The following CCSER1 variants were observed in gnomAD, a reference collection of about 807,000 sequenced individuals.
CCSER1 encodes serine-rich coiled-coil domain-containing protein 1.
In CCSER1, 41 loss-of-function variants were observed where a neutral mutation model predicts 82.0. The ratio of observed to expected loss-of-function variants is 0.50; its 90% confidence interval spans 0.39 to 0.65. The LOEUF (loss-of-function observed/expected upper bound fraction) is 0.65. Among genes scored for constraint, CCSER1 ranks in the 30% least tolerant of loss-of-function variants. The pLI, the probability that CCSER1 is intolerant of heterozygous loss-of-function variation, is 0.00. For synonymous variants in CCSER1, 414 were observed against 383.9 expected, an observed-to-expected ratio of 1.08 and a Z score of -0.92; for missense variants, 1,119 against 1,064.2, an observed-to-expected ratio of 1.05 and a Z score of -0.72.
chr4:90,745,374 A>T (rs1747238213), intron 7 of CCSER1, among the ~76,000 whole-genome samples: 1 of 152,208 alleles, frequency 6.6e-6, no homozygotes, highest in Non-Finnish European at 1.5e-5. Context: ...GTCCAGGAAA[A>T]TTCTATTACA....
At chr4:90,927,260 T>C (rs1348911919) in intron 9 of CCSER1, among the ~76,000 whole-genome samples, 1 of 152,042 alleles carries the variant, frequency 6.6e-6, no homozygotes, top group East Asian at 1.9e-4. Flanking sequence ...AAAATTTCTC[T>C]GAGCCACAAA....
intron 1 of CCSER1, among the ~76,000 whole-genome samples, chr4:90,156,508 A>C (rs1477535141): frequency 2.0e-5 from 3 of 152,138 alleles, no homozygotes; most frequent in Admixed American, 2.0e-4. Flanking sequence ...TTGGGAGTCT[A>C]AGTCTCTTTG....
chr4:91,521,182 G>T (rs1760449101), intron 10 of CCSER1, among the ~76,000 whole-genome samples: 1 of 152,132 alleles, frequency 6.6e-6, no homozygotes, highest in South Asian at 2.1e-4. Context: ...ATGGTTTACA[G>T]CTTCATGCAT....
At chr4:91,501,592 A>C (rs1406856964) in intron 10 of CCSER1, among the ~76,000 whole-genome samples, 1 of 152,008 alleles carries the variant, frequency 6.6e-6, no homozygotes, top group Non-Finnish European at 1.5e-5. Flanking sequence ...CAATAACTTT[A>C]ATTTCTCCTT....
chr4:90,757,658 G>A (rs1431692844), intron 7 of CCSER1, among the ~76,000 whole-genome samples: 1 of 152,160 alleles, frequency 6.6e-6, no homozygotes, highest in Non-Finnish European at 1.5e-5. Context: ...AATGGCTGAA[G>A]AGTCCACATC....
At chr4:90,801,404 G>T (rs542136163) in intron 7 of CCSER1, among the ~76,000 whole-genome samples, 2 of 152,216 alleles carry the variant, frequency 1.3e-5, no homozygotes, top group East Asian at 3.9e-4. Flanking sequence ...AAATGATAAA[G>T]CCTCTGTACA....
Position 90,636,436 on chromosome 4 carries a change from A to T in CCSER1, c.1932+8204A>T, listed in dbSNP as rs188646813. Among the ~76,000 whole-genome samples the T allele has an allele frequency of 2.2e-4, 33 of 152,146 alleles. 1 individual carries two copies. In the East Asian group the frequency reaches 6.4e-3, roughly 29 times the overall value. On this transcript the variant is annotated intron_variant, in intron 6 of 10. Transcript: ENST00000509176. ...GGCAAAAATCCTTATAGGAAAAAGG[A>T]AATTACAGAATTTTTTTATAAATAT...
intron 8 of CCSER1, among the ~76,000 whole-genome samples, chr4:90,917,430 C>T (rs995041072): frequency 5.9e-5 from 9 of 152,060 alleles, no homozygotes; most frequent in Admixed American, 1.3e-4. Context: ...AAACAAACAC[C>T]GCATGTTCTC....
chr4:91,341,104 A>G lies in CCSER1; in HGVS notation c.2217+255110A>G, dbSNP rs1240472527. Among the ~76,000 whole-genome samples, 4 of 152,318 alleles carry G rather than the reference A, an allele frequency of 2.6e-5. No individual in the cohort carries two copies. In the East Asian group the frequency reaches 7.7e-4, roughly 29 times the overall value. On this transcript the variant is annotated intron_variant, in intron 10 of 10. Transcript: ENST00000509176. ...AGAGGGGCAGGCTATGATTTCATTC[A>G]GCTGCCTTCTGCTGTTTTATTCTCA...
chr4:91,427,904 A>C lies in CCSER1; in HGVS notation c.2218-170668A>C, dbSNP rs545099677. 3.5e-5 allele frequency among the ~76,000 whole-genome samples: 4 copies of C among 115,352 alleles called. No individual in the cohort carries two copies. In the South Asian group the frequency reaches 1.1e-3, roughly 31 times the overall value. 75.7% of individuals were successfully genotyped at this position (115,352 alleles called of 152,430 possible). On this transcript the variant is annotated intron_variant, in intron 10 of 10. Transcript: ENST00000509176. ...CTTGATTAAATGTCTTTGTGTATAA[A>C]TATAAATACCATGCTTAGTCCAGGG...
Position 91,306,534 on chromosome 4 carries a change from A to T in CCSER1, c.2217+220540A>T, listed in dbSNP as rs115998429. On this transcript the variant is annotated intron_variant, in intron 10 of 10. Transcript: ENST00000509176. ...TTTTACTAGCATATACCAATAGTAA[A>T]AGTGTCATCTGTAAGCAGAAGCTCC... 7.7e-3 allele frequency among the ~76,000 whole-genome samples: 1,177 copies of T among 152,142 alleles called. 11 individuals are homozygous for T. Among genetic ancestry groups the T allele is most frequent in the Non-Finnish European group, 0.013 (864 of 67,946 alleles).
chr4:91,101,477 A>G (rs1024167202), intron 10 of CCSER1, among the ~76,000 whole-genome samples: 4 of 152,148 alleles, frequency 2.6e-5, no homozygotes, highest in Non-Finnish European at 4.4e-5. Flanking sequence ...CTCTCCTAAA[A>G]TACAAAAATT....
intron 5 of CCSER1, among the ~76,000 whole-genome samples, chr4:90,491,633 G>T (rs563134988): frequency 1.3e-5 from 2 of 152,120 alleles, no homozygotes; most frequent in African/African-American, 2.4e-5. Flanking sequence ...TGGCCATTCA[G>T]TATGATATTG....
chr4:90,343,963 C>G (rs542427984), intron 3 of CCSER1, among the ~76,000 whole-genome samples: 5 of 152,132 alleles, frequency 3.3e-5, no homozygotes, highest in Non-Finnish European at 5.9e-5. Flanking sequence ...GTTGCGCTAT[C>G]AAATACTAGG....
At chr4:90,863,151 CATT>C (rs1166490085) in intron 8 of CCSER1, among the ~76,000 whole-genome samples, 1 of 151,048 alleles carries the variant, frequency 6.6e-6, no homozygotes, top group Non-Finnish European at 1.5e-5. Flanking sequence ...CATTTGTTCT[CATT>C]GTTCAATTCC....
At chr4:90,327,255 T>A (rs545549554) in intron 3 of CCSER1, among the ~76,000 whole-genome samples, 1 of 152,264 alleles carries the variant, frequency 6.6e-6, no homozygotes, top group East Asian at 1.9e-4. Flanking sequence ...TCCCCCTCAC[T>A]TGTATTTTTA....
chr4:91,547,512 C>T (rs1761949878), intron 10 of CCSER1, among the ~76,000 whole-genome samples: 2 of 152,146 alleles, frequency 1.3e-5, no homozygotes, highest in Non-Finnish European at 2.9e-5. Flanking sequence ...TTCTCTTGAT[C>T]AGTATTGGCA....
chr4:91,172,922 G>GA (rs541106653), intron 10 of CCSER1, among the ~76,000 whole-genome samples: 6 of 151,752 alleles, frequency 4.0e-5, no homozygotes, highest in South Asian at 2.1e-4. Context: ...TACAAAAGTG[G>GA]AAAAAAAAGT....
intron 10 of CCSER1, among the ~76,000 whole-genome samples, chr4:91,352,204 C>T (rs1392329745): frequency 6.6e-6 from 1 of 152,182 alleles, no homozygotes; most frequent in African/African-American, 2.4e-5. Context: ...TTTAATTTAA[C>T]AACATTGCTC....
Sources: gnomAD v4.1 joint callset for allele counts (sites outside exome capture counted in the v4.1 genomes callset) on GRCh38, gnomAD v4.1.1 for gene constraint, MANE v1.5 for transcripts, NCBI Gene and HGNC (gene_info 2026-07-23, HGNC 2026-07-21) for gene names.